Variants in BRF1 observed in about 807,000 individuals in gnomAD.
BRF1 encodes BRF1 general transcription factor IIIB subunit.
BRF1 carries 59 observed loss-of-function variants against 81.7 expected under a neutral mutation model. The observed-to-expected ratio is 0.72, with a 90% CI of 0.59 to 0.90. The LOEUF is 0.90. Ranked by LOEUF, BRF1 falls within the 40% of genes least tolerant of loss-of-function variation. The pLI is 0.00. For synonymous variants in BRF1, 491 were observed against 395.6 expected (o/e 1.24, Z -2.86); for missense variants, 1,050 against 936.3 (o/e 1.12, Z -1.58).
intron 5 of BRF1, among the ~76,000 whole-genome samples, chr14:105,244,981 G>A (rs913689140): frequency 3.3e-5 from 5 of 151,582 alleles, no homozygotes; most frequent in Admixed American, 3.3e-4. Flanking sequence ...GCAAAAACAA[G>A]TAGTCCCCTC....
In BRF1 at chr14:105,315,178, C is replaced by A; in HGVS notation, c.-162+144G>T. On this transcript the variant is annotated intron_variant, in intron 1 of 17. Transcript: ENST00000327359. The surrounding 1 kb of genome is among the most constrained non-coding windows in gnomAD (Gnocchi z 4.4). ...CCCGCGCCCCCGCCCGCCGGTTCGA[C>A]GCGTGCAGCCGCCGCCCCCCCGCAG... 1 of 340,856 alleles carries A rather than the reference C, an allele frequency of 2.9e-6. No individual in the cohort carries two copies. The highest frequency in any genetic ancestry group is 4.3e-6 in the Non-Finnish European group (1 of 233,958). The allele number at this position is 340,856 out of a possible 1,614,324, so 21.1% of individuals were successfully genotyped here.
chr14:105,310,618 T>C (rs2058328165), intron 1 of BRF1, among the ~76,000 whole-genome samples: 1 of 151,882 alleles, frequency 6.6e-6, no homozygotes, highest in African/African-American at 2.4e-5. Context: ...GTTTGTTGCG[T>C]TGGGTGAGGG....
chr14:105,212,083 T>G, intron 16 of BRF1, 30 bp downstream of exon 16: 2 of 1,610,130 alleles, frequency 1.2e-6, no homozygotes, highest in Non-Finnish European at 1.7e-6. Flanking sequence ...TCCCAAGGTC[T>G]CCCTGCCCTG....
At chr14:105,253,484 C>T (rs763236008) in intron 4 of BRF1, among the ~76,000 whole-genome samples, 6 of 152,238 alleles carry the variant, frequency 3.9e-5, no homozygotes, top group Non-Finnish European at 7.3e-5. Flanking sequence ...TGACCAAGCC[C>T]GGCTCGTGGG....
intron 6 of BRF1, among the ~76,000 whole-genome samples, chr14:105,229,370 G>C (rs942503128): frequency 1.3e-5 from 2 of 152,232 alleles, no homozygotes; most frequent in African/African-American, 2.4e-5. Context: ...CATGTGTGCA[G>C]ATGGAACGGC....
Position 105,284,281 on chromosome 14 carries a change from G to A in BRF1, c.265+2015C>T, listed in dbSNP as rs2057232824. On this transcript the variant is annotated intron_variant, in intron 2 of 17. Transcript: ENST00000547530. The surrounding 1 kb of genome is among the most constrained non-coding windows in gnomAD (Gnocchi z 4.0). ...ACCGGCAGTCAGGAAGAAAGGCGCT[G>A]ACTATACTCCTCTACTAGTAAGTCC... Among the ~76,000 whole-genome samples, 1 of 152,106 alleles carries A rather than the reference G, an allele frequency of 6.6e-6. No individual in the cohort carries two copies. The highest frequency in any genetic ancestry group is 1.5e-5 in the Non-Finnish European group (1 of 68,016).
chr14:105,261,197 G>A (rs2056134786), intron 3 of BRF1, among the ~76,000 whole-genome samples: 1 of 152,236 alleles, frequency 6.6e-6, no homozygotes. Context: ...CTTCTGCTCG[G>A]TGCAGCTGAG....
intron 2 of BRF1, among the ~76,000 whole-genome samples, chr14:105,281,769 CTA>C (rs944978052): frequency 2.0e-5 from 3 of 149,410 alleles, no homozygotes; most frequent in Admixed American, 2.0e-4. Context: ...AAATTCCTTT[CTA>C]TATGATTCCC....
chr14:105,304,355 G>T (rs2058118390), upstream of BRF1, among the ~76,000 whole-genome samples: 1 of 152,174 alleles, frequency 6.6e-6, no homozygotes, highest in African/African-American at 2.4e-5. Context: ...AGGTGTGATG[G>T]TGGGCGCCTG....
intron 1 of BRF1, among the ~76,000 whole-genome samples, chr14:105,306,455 C>A (rs1038433590): frequency 6.6e-6 from 1 of 152,210 alleles, no homozygotes. Context: ...AGGTGCATGC[C>A]ACCATGCCCG....
At chr14:105,249,248 G>A in intron 5 of BRF1, 1 of 1,573,254 alleles carries the variant, frequency 6.4e-7, no homozygotes, top group Non-Finnish European at 8.6e-7. Flanking sequence ...CGCCCACAAG[G>A]TGGGTAGCGG....
intron 4 of BRF1, chr14:105,256,222 C>T (rs1478801301): frequency 2.0e-6 from 3 of 1,538,052 alleles, no homozygotes; most frequent in Non-Finnish European, 2.6e-6. Context: ...AAATAATCTC[C>T]TTTGTGTAGG....
intron 5 of BRF1, chr14:105,250,853 G>A: frequency 1.5e-6 from 1 of 677,394 alleles, no homozygotes; most frequent in African/African-American, 1.8e-5. Context: ...TGGAGTCTTA[G>A]GCATCTCTGG....
In BRF1 at chr14:105,269,116, G is replaced by C. The variant is rs988808753; in HGVS notation, c.439+3605C>G. ...GAGAGACGGAGACGTGTCCAGGATG[G>C]GTCTGGGGGCTCTGGCTGGCAGGCC... is the stretch of plus-strand genomic sequence containing the variant. On this transcript the variant is annotated intron_variant, in intron 3 of 17. Coordinates refer to ENST00000547530, the MANE Select transcript of BRF1 (RefSeq NM_001519.4). This position sits in a 1 kb window ranked among gnomAD's most constrained non-coding sequence, Gnocchi z 5.0. 3.3e-5 allele frequency among the ~76,000 whole-genome samples: 5 copies of C among 152,156 alleles called. No homozygotes were observed. The highest frequency in any genetic ancestry group is 1.2e-4 in the African/African-American group (5 of 41,428).
chr14:105,299,213 C>T (rs1192211603), intron 1 of BRF1, among the ~76,000 whole-genome samples: 1 of 151,936 alleles, frequency 6.6e-6, no homozygotes, highest in Non-Finnish European at 1.5e-5. Flanking sequence ...ACATATACAA[C>T]AAAGGGCTTG....
At chr14:105,249,643 C>T (rs1187384077) in intron 5 of BRF1, 11 of 1,610,234 alleles carry the variant, frequency 6.8e-6, no homozygotes, top group African/African-American at 1.3e-5. Flanking sequence ...CGCCTAGGTA[C>T]ATGTACAGTG....
At chr14:105,291,651 T>A (rs991981052) in intron 1 of BRF1, among the ~76,000 whole-genome samples, 1 of 150,960 alleles carries the variant, frequency 6.6e-6, no homozygotes, top group Non-Finnish European at 1.5e-5. Flanking sequence ...CAAAAAAAAA[T>A]TTTTTTTTAA....
intron 5 of BRF1, 112 bp downstream of exon 5, chr14:105,252,395 T>C: frequency 2.0e-6 from 3 of 1,469,278 alleles, no homozygotes; most frequent in Non-Finnish European, 2.7e-6. Flanking sequence ...ATTTCTTACC[T>C]TGAGGGGTCC....
At chr14:105,244,980 A>T (rs1349227907) in intron 5 of BRF1, among the ~76,000 whole-genome samples, 6 of 152,164 alleles carry the variant, frequency 3.9e-5, no homozygotes, top group Non-Finnish European at 1.5e-5. Flanking sequence ...AGCAAAAACA[A>T]GTAGTCCCCT....
Sources: allele counts gnomAD v4.1 joint callset (sites outside exome capture counted in the v4.1 genomes callset), GRCh38; gene constraint gnomAD v4.1.1; non-coding constraint Gnocchi (gnomAD v3.1); transcripts MANE v1.5; gene names NCBI Gene and HGNC (gene_info 2026-07-23, HGNC 2026-07-21).